CHN2: variants seen among roughly 807,000 people sequenced by gnomAD.
CHN2 encodes the protein beta-chimaerin.
CHN2 carries 35 observed loss-of-function variants against 56.3 expected under a neutral mutation model. The ratio of observed to expected loss-of-function variants is 0.62; its 90% CI spans 0.47 to 0.82. The LOEUF (loss-of-function observed/expected upper bound fraction) is 0.82. Among genes scored for constraint, CHN2 ranks in the 40% least tolerant of loss-of-function variants. CHN2 has a pLI of 0.00. For synonymous variants in CHN2, 210 were observed against 212.8 expected, an observed-to-expected ratio of 0.99 and a Z score of 0.12; for missense variants, 491 against 580.5, an observed-to-expected ratio of 0.85 and a Z score of 1.58.
chr7:29,348,279 CT>C (rs930278522), intron 1 of CHN2, among the ~76,000 whole-genome samples: 33 of 152,254 alleles, frequency 2.2e-4, no homozygotes, highest in African/African-American at 7.9e-4. Flanking sequence ...GCAGCATCAT[CT>C]TTTTGGGGTT....
rs1195165434 is a variant in CHN2 at position 29,213,271 on chromosome 7, C to T, written c.49+18281C>T. 8.2e-6 allele frequency: 7 copies of T among 849,632 alleles called. No individual in the cohort carries two copies. The African/African-American group carries it at 9.9e-5, about 12-fold the overall frequency. 52.6% of individuals were successfully genotyped at this position (849,632 alleles called of 1,614,324 possible). A position where few individuals can be genotyped will look rare whatever the true frequency, so the allele number is the denominator to read the frequency against. Reference sequence around the variant, plus strand: ...ACTCTGGGTAGTGGCTGAATCCTTCCTCTCCCCTCCTCCCCTCCCTGATAG... The same window carrying T: ...ACTCTGGGTAGTGGCTGAATCCTTCTTCTCCCCTCCTCCCCTCCCTGATAG... On this transcript the variant is annotated intron_variant, in intron 1 of 12. Coordinates refer to ENST00000222792, the MANE Select transcript of CHN2 (RefSeq NM_004067.4).
chr7:29,165,490 GTCT>G (rs1795795834), intron 2 of CHN2, among the ~76,000 whole-genome samples: 1 of 151,952 alleles, frequency 6.6e-6, no homozygotes, highest in South Asian at 2.1e-4. Context: ...CAGTCATGTT[GTCT>G]GTTAATAGAG....
intron 1 of CHN2, among the ~76,000 whole-genome samples, chr7:29,332,016 GAAAA>G (rs35099980): frequency 1.5e-5 from 2 of 137,232 alleles, no homozygotes; most frequent in South Asian, 2.3e-4. Context: ...TGTCTCAAAA[GAAAA>G]AAAAAAAAAA....
At chr7:29,374,396 T>C (rs1231631097) in intron 3 of CHN2, among the ~76,000 whole-genome samples, 2 of 152,218 alleles carry the variant, frequency 1.3e-5, no homozygotes, top group East Asian at 1.9e-4. Flanking sequence ...TTCTGCTTTT[T>C]TTTTAAAAAC....
At chr7:29,185,343 G>T (rs1231918335) in intron 2 of CHN2, among the ~76,000 whole-genome samples, 2 of 152,116 alleles carry the variant, frequency 1.3e-5, no homozygotes, top group East Asian at 3.9e-4. Context: ...ATTTGAAGAA[G>T]AATTGCCCCA....
At chr7:29,265,608 A>C (rs1341376994) in intron 1 of CHN2, among the ~76,000 whole-genome samples, 1 of 152,140 alleles carries the variant, frequency 6.6e-6, no homozygotes, top group East Asian at 1.9e-4. Flanking sequence ...TGCCTTTGTC[A>C]CTCCCCGAAT....
chr7:29,512,119 G>A (rs1297778687), intron 12 of CHN2, among the ~76,000 whole-genome samples: 2 of 151,850 alleles, frequency 1.3e-5, no homozygotes, highest in African/African-American at 4.8e-5. Context: ...TCCCAGCAGA[G>A]AGGGATCCTG....
At chr7:29,504,505 G>A (rs915584914) in intron 9 of CHN2, among the ~76,000 whole-genome samples, 2 of 151,562 alleles carry the variant, frequency 1.3e-5, no homozygotes, top group African/African-American at 2.4e-5. Context: ...AAGCAGGGAA[G>A]GATGAAGACT....
chr7:29,183,841 C>T (rs928272012), intron 2 of CHN2, among the ~76,000 whole-genome samples: 23 of 151,918 alleles, frequency 1.5e-4, no homozygotes, highest in Admixed American at 4.6e-4. Context: ...GATTCCACAC[C>T]CATGCATTCA....
chr7:29,386,089 T>A (rs1486047372), intron 3 of CHN2, among the ~76,000 whole-genome samples: 1 of 152,186 alleles, frequency 6.6e-6, no homozygotes, highest in East Asian at 1.9e-4. Context: ...TCCAGAAGTG[T>A]TAAAGAAATG....
intron 2 of CHN2, among the ~76,000 whole-genome samples, chr7:29,178,543 G>A (rs245914): frequency 6.6e-5 from 10 of 151,902 alleles, no homozygotes; most frequent in Non-Finnish European, 1.0e-4. Context: ...TCCGAGAGAC[G>A]TTGCCTGACA....
chr7:29,164,706 G>GGGAGGC (rs1406232496), intron 2 of CHN2, among the ~76,000 whole-genome samples: 2 of 146,912 alleles, frequency 1.4e-5, no homozygotes, highest in Admixed American at 6.8e-5. Flanking sequence ...ACTTGAACCT[G>GGGAGGC]GGAGGCGGAG....
chr7:29,352,323 A>G (rs759146247), intron 1 of CHN2, among the ~76,000 whole-genome samples: 19 of 151,382 alleles, frequency 1.3e-4, no homozygotes, highest in Non-Finnish European at 1.9e-4. Context: ...GTGGCATCTC[A>G]GGGATTTGCA....
At chr7:29,275,733 C>A (rs764045038) in intron 1 of CHN2, among the ~76,000 whole-genome samples, 2 of 152,062 alleles carry the variant, frequency 1.3e-5, no homozygotes, top group Non-Finnish European at 2.9e-5. Context: ...CAGGGTCACT[C>A]AGGTTGCACA....
intron 1 of CHN2, among the ~76,000 whole-genome samples, chr7:29,348,866 T>C (rs1187084033): frequency 2.0e-5 from 3 of 152,054 alleles, no homozygotes; most frequent in Non-Finnish European, 2.9e-5. Context: ...AAGAAGAAAA[T>C]AGAAATCACA....
intron 1 of CHN2, among the ~76,000 whole-genome samples, chr7:29,207,949 A>T (rs1009503831): frequency 6.6e-6 from 1 of 152,228 alleles, no homozygotes; most frequent in African/African-American, 2.4e-5. Context: ...GATCACATGG[A>T]AAATATGAGT....
chr7:29,224,161 C>T (rs1047373127), intron 1 of CHN2, among the ~76,000 whole-genome samples: 8 of 152,094 alleles, frequency 5.3e-5, no homozygotes, highest in Non-Finnish European at 7.4e-5. Context: ...TTCTGAAACA[C>T]GAACAATTAG....
chr7:29,424,780 C>T (rs890081393), intron 6 of CHN2, among the ~76,000 whole-genome samples: 12 of 152,218 alleles, frequency 7.9e-5, no homozygotes, highest in African/African-American at 2.7e-4. Context: ...TCGTCCACCG[C>T]GCTGCCTTCA....
chr7:29,255,296 G>A (rs1382872325), intron 1 of CHN2, among the ~76,000 whole-genome samples: 1 of 152,200 alleles, frequency 6.6e-6, no homozygotes, highest in African/African-American at 2.4e-5. Flanking sequence ...TCACTTCAGA[G>A]CCCAGCCAGC....
Sources: gnomAD v4.1 joint callset for allele counts (sites outside exome capture counted in the v4.1 genomes callset) on GRCh38, gnomAD v4.1.1 for gene constraint, MANE v1.5 for transcripts, NCBI Gene and HGNC (gene_info 2026-07-23, HGNC 2026-07-21) for gene names.